The following ANO3 variants were observed in gnomAD, a reference collection of about 807,000 sequenced individuals.
The protein encoded by ANO3 is anoctamin 3.
In ANO3, 99 loss-of-function variants were observed where a neutral mutation model predicts 144.8. The observed-to-expected ratio is 0.68, with a 90% CI of 0.58 to 0.81. The LOEUF (loss-of-function observed/expected upper bound fraction) is 0.81, where lower values mean the gene tolerates loss of function less well. Ranked by LOEUF, ANO3 falls within the 30% of genes least tolerant of loss-of-function variation. The probability of loss-of-function intolerance (pLI) is 0.00; values close to 1 mark genes in which losing one functional copy is unlikely to be tolerated. For missense variants in ANO3, 905 were observed against 1,202.2 expected (o/e 0.75, Z 3.66); for synonymous variants, 414 against 392.6 (o/e 1.05, Z -0.64).
intron 1 of ANO3, among the ~76,000 whole-genome samples, chr11:26,236,038 C>A (rs1414428940): frequency 1.3e-5 from 2 of 152,042 alleles, no homozygotes; most frequent in African/African-American, 4.8e-5. Context: ...ATATAGATAG[C>A]AAACCCTAGA....
In ANO3 at chr11:26,196,643, T is replaced by C. The variant is rs1210087328; in HGVS notation, c.154+7313T>C. ...GACATTTTTTCATCTTGTTTGGCTT[T>C]GAAAATCAAATAAAACTATTCTCAA... On this transcript the variant is annotated intron_variant, in intron 1 of 27. Transcript: ENST00000672621. Among the ~76,000 whole-genome samples, 3 of 152,168 alleles carry C rather than the reference T, an allele frequency of 2.0e-5. No homozygotes were observed. In the East Asian group the frequency reaches 5.8e-4, roughly 29 times the overall value.
chr11:26,291,929 A>G (rs1423909579), intron 1 of ANO3, among the ~76,000 whole-genome samples: 3 of 151,592 alleles, frequency 2.0e-5, no homozygotes, highest in Non-Finnish European at 4.4e-5. Context: ...GGCGTTCTCT[A>G]TTTTTCCTGA....
At position 26,660,593 on chromosome 11, in the gene ANO3, A is replaced by G; in HGVS notation, c.*149A>G. ...GAAATGTATCACAGCCATCTCTGGGATTTGAAATATCCAGACTTGTAGGGA... is the reference window on the plus strand; with the variant it reads ...GAAATGTATCACAGCCATCTCTGGGGTTTGAAATATCCAGACTTGTAGGGA... On this transcript the variant is annotated 3_prime_UTR_variant, in exon 27 of 27. Coordinates refer to ENST00000256737, the MANE Select transcript of ANO3 (RefSeq NM_031418.4). The G allele has an allele frequency of 1.5e-6, 1 of 677,528 alleles. No homozygotes were observed. Among genetic ancestry groups the G allele is most frequent in the Non-Finnish European group, 2.4e-6 (1 of 422,940 alleles). 42.0% of individuals were successfully genotyped at this position (677,528 alleles called of 1,614,324 possible). A position where few individuals can be genotyped will look rare whatever the true frequency, so the allele number is the denominator to read the frequency against.
chr11:26,239,686 G>T (rs1852617251), intron 1 of ANO3, among the ~76,000 whole-genome samples: 1 of 152,142 alleles, frequency 6.6e-6, no homozygotes, highest in South Asian at 2.1e-4. Context: ...AGCATGCCCA[G>T]CTTCTGTCTG....
At chr11:26,282,219 C>T (rs1047390681) in intron 1 of ANO3, among the ~76,000 whole-genome samples, 4 of 151,862 alleles carry the variant, frequency 2.6e-5, no homozygotes, top group African/African-American at 7.3e-5. Flanking sequence ...GAGTGTTTTC[C>T]GCATCAGCTA....
intron 17 of ANO3, among the ~76,000 whole-genome samples, chr11:26,607,797 T>A (rs1012031249): frequency 6.6e-6 from 1 of 152,238 alleles, no homozygotes; most frequent in African/African-American, 2.4e-5. Context: ...GTCATTTATG[T>A]TCCTCTCTAG....
intron 1 of ANO3, among the ~76,000 whole-genome samples, chr11:26,263,677 T>A (rs77964170): frequency 0.02 from 3,042 of 152,290 alleles, 61 homozygotes; most frequent in East Asian, 0.12. Flanking sequence ...GGGCAAGAAG[T>A]AGCTAAATTT....
intron 10 of ANO3, among the ~76,000 whole-genome samples, chr11:26,540,322 T>C (rs939541448): frequency 2.0e-5 from 3 of 152,020 alleles, no homozygotes; most frequent in Admixed American, 6.6e-5. Flanking sequence ...ACAGAACCAA[T>C]GACAAAAACC....
chr11:26,596,092 T>C (rs1851620048), intron 14 of ANO3, among the ~76,000 whole-genome samples: 1 of 152,228 alleles, frequency 6.6e-6, no homozygotes, highest in Admixed American at 6.5e-5. Context: ...GGAGAAGACC[T>C]TCAATTATCA....
intron 12 of ANO3, among the ~76,000 whole-genome samples, chr11:26,549,964 T>C (rs1455270893): frequency 1.3e-5 from 2 of 151,906 alleles, no homozygotes; most frequent in Admixed American, 6.6e-5. Context: ...AATAAGCTTC[T>C]TCCATTTATC....
chr11:26,431,110 A>G (rs901106335), intron 1 of ANO3, among the ~76,000 whole-genome samples: 8 of 152,246 alleles, frequency 5.3e-5, no homozygotes, highest in African/African-American at 1.9e-4. Flanking sequence ...ACGATGACTG[A>G]GGAACTGAAT....
chr11:26,323,329 T>C (rs1426635202), intron 1 of ANO3, among the ~76,000 whole-genome samples: 2 of 152,180 alleles, frequency 1.3e-5, no homozygotes, highest in Non-Finnish European at 2.9e-5. Flanking sequence ...AGGCTGAATA[T>C]CTGCTTTGGC....
intron 4 of ANO3, among the ~76,000 whole-genome samples, chr11:26,497,123 C>T (rs932328148): frequency 7.9e-5 from 12 of 151,026 alleles, no homozygotes; most frequent in African/African-American, 2.7e-4. Flanking sequence ...TATGTATACA[C>T]GTATATATGT....
intron 1 of ANO3, among the ~76,000 whole-genome samples, chr11:26,389,553 C>G (rs538786941): frequency 6.6e-6 from 1 of 152,030 alleles, no homozygotes; most frequent in Non-Finnish European, 1.5e-5. Context: ...TAATAAAGAT[C>G]TCTTTTCAAA....
At chr11:26,504,820 G>T (rs2134130682) in intron 4 of ANO3, among the ~76,000 whole-genome samples, 1 of 151,134 alleles carries the variant, frequency 6.6e-6, no homozygotes, top group East Asian at 2.0e-4. Flanking sequence ...TCAGGAGATC[G>T]AGACCATGGT....
intron 4 of ANO3, among the ~76,000 whole-genome samples, chr11:26,497,075 C>T (rs1306290845): frequency 6.6e-6 from 1 of 150,634 alleles, no homozygotes; most frequent in African/African-American, 2.4e-5. Flanking sequence ...TATATATACA[C>T]AGACACACAA....
At chr11:26,328,465 C>A (rs139965840), upstream of ANO3, among the ~76,000 whole-genome samples, 889 of 152,220 alleles carry the variant, frequency 5.8e-3, 4 homozygotes, top group Admixed American at 0.011. Context: ...ATTCATGACC[C>A]AAAGAGGCAG....
At chr11:26,218,217 C>T (rs1325901592) in intron 1 of ANO3, among the ~76,000 whole-genome samples, 1 of 152,058 alleles carries the variant, frequency 6.6e-6, no homozygotes, top group Non-Finnish European at 1.5e-5. Context: ...TCATGGCCCC[C>T]TATCGCACCC....
At chr11:26,241,809 T>C (rs751656823) in intron 1 of ANO3, among the ~76,000 whole-genome samples, 5 of 152,122 alleles carry the variant, frequency 3.3e-5, no homozygotes, top group Non-Finnish European at 5.9e-5. Context: ...GTATCTGGGG[T>C]TATTCAGAAA....
Sources: gnomAD v4.1 joint callset for allele counts (sites outside exome capture counted in the v4.1 genomes callset) on GRCh38, gnomAD v4.1.1 for gene constraint, MANE v1.5 for transcripts, NCBI Gene and HGNC (gene_info 2026-07-23, HGNC 2026-07-21) for gene names.